The following MOBP variants were observed in gnomAD, a reference collection of about 807,000 sequenced individuals.
MOBP encodes the protein myelin-associated oligodendrocyte basic protein.
Under a neutral mutation model 15.0 loss-of-function variants are expected in MOBP, and 5 were observed. The observed-to-expected ratio is 0.33, with a 90% CI of 0.17 to 0.70. MOBP has a LOEUF of 0.70. Among genes scored for constraint, MOBP ranks in the 30% least tolerant of loss-of-function variants. The pLI is 0.67. For synonymous variants in MOBP, 88 were observed against 99.0 expected (o/e 0.89, Z 0.66); for missense variants, 188 against 257.8 (o/e 0.73, Z 1.85).
intron 3 of MOBP, among the ~76,000 whole-genome samples, chr3:39,523,057 G>T (rs983133310): frequency 9.2e-5 from 14 of 152,204 alleles, no homozygotes; most frequent in African/African-American, 3.1e-4. Flanking sequence ...GTATCTAGAA[G>T]TAGATGACAC....
At chr3:39,474,371 A>G (rs1301021942) in intron 1 of MOBP, among the ~76,000 whole-genome samples, 1 of 152,256 alleles carries the variant, frequency 6.6e-6, no homozygotes, top group Non-Finnish European at 1.5e-5. Context: ...AACAACAAAG[A>G]TACGTTCTGA....
At position 39,469,074 on chromosome 3, in the gene MOBP, G is replaced by GTGTGTGTGTATATACATATATACATA; in HGVS notation, c.-89+1349_-89+1374dup. Among the ~76,000 whole-genome samples the GTGTGTGTGTATATACATATATACATA allele has an allele frequency of 7.9e-5, 2 of 25,380 alleles. 1 individual carries two copies. The highest frequency in any genetic ancestry group is 1.9e-3 in the South Asian group (2 of 1,064). 16.7% of individuals were successfully genotyped at this position (25,380 alleles called of 152,430 possible). On this transcript the variant is annotated intron_variant, in intron 1 of 3. Transcript: ENST00000684792. ...TGTGTGTATATACATATATACATAT[G>GTGTGTGTGTATATACATATATACATA]TGTGTGTGTATATACATATATACAT...
Position 39,502,108 on chromosome 3 carries a change from C to T in MOBP, c.39C>T (p.Ser13=), listed in dbSNP as rs138223556. Residue 13 remains serine, a synonymous_variant, in exon 3 of 4, where the codon TCC becomes TCT. Transcript: ENST00000684792. This position sits in a 1 kb window ranked among gnomAD's most constrained non-coding sequence, Gnocchi z 6.3. ...CGGCCAAGGAGGGTCCCAGACTCTC[C>T]AAAAACCAGAAGTACTCCGAACACT... ...QKPAKEGPRL[S]KNQKYSEHFS... 7.2e-4 allele frequency: 1,170 copies of T among 1,614,178 alleles called. 10 individuals carry two copies. In the East Asian group the frequency reaches 0.01, roughly 14 times the overall value.
At chr3:39,492,543 A>C (rs549086402) in intron 2 of MOBP, among the ~76,000 whole-genome samples, 1 of 152,186 alleles carries the variant, frequency 6.6e-6, no homozygotes, top group Non-Finnish European at 1.5e-5. Context: ...TTGGGCTTGT[A>C]ATATCACATC....
At chr3:39,523,927 A>C (rs1274096055) in intron 3 of MOBP, among the ~76,000 whole-genome samples, 4 of 152,198 alleles carry the variant, frequency 2.6e-5, no homozygotes, top group Non-Finnish European at 5.9e-5. Context: ...CCCACAGCGC[A>C]ATTGTACAAA....
chr3:39,472,875 A>G (rs1206371082), intron 1 of MOBP, among the ~76,000 whole-genome samples: 8 of 152,206 alleles, frequency 5.3e-5, no homozygotes, highest in African/African-American at 1.7e-4. Context: ...GTATGAAGAC[A>G]TATTCGTGCC....
At chr3:39,497,066 G>T (rs1432283435) in intron 2 of MOBP, among the ~76,000 whole-genome samples, 1 of 152,096 alleles carries the variant, frequency 6.6e-6, no homozygotes, top group Non-Finnish European at 1.5e-5. Flanking sequence ...GCCTCCCAAA[G>T]AGCTGGGATT....
intron 1 of MOBP, among the ~76,000 whole-genome samples, chr3:39,478,412 T>G (rs1344850494): frequency 2.0e-5 from 3 of 152,220 alleles, no homozygotes; most frequent in Non-Finnish European, 4.4e-5. Flanking sequence ...CTATGATGTT[T>G]GTGCAATGAC....
chr3:39,500,855 A>T (rs1262613176), intron 2 of MOBP, among the ~76,000 whole-genome samples: 1 of 152,232 alleles, frequency 6.6e-6, no homozygotes, highest in Non-Finnish European at 1.5e-5. Context: ...CTTTAATAAG[A>T]TCTAAGATAC....
chr3:39,473,186 T>C (rs942570947), intron 1 of MOBP, among the ~76,000 whole-genome samples: 1 of 152,230 alleles, frequency 6.6e-6, no homozygotes, highest in African/African-American at 2.4e-5. Context: ...TCAGCTGTGC[T>C]CTGGGTGGTT....
At chr3:39,482,951 C>G (rs548034194) in intron 2 of MOBP, among the ~76,000 whole-genome samples, 2 of 152,150 alleles carry the variant, frequency 1.3e-5, no homozygotes, top group Non-Finnish European at 2.9e-5. Flanking sequence ...CATTGACTCA[C>G]TCTTCAGCTC....
At chr3:39,496,272 C>T (rs1253054434) in intron 2 of MOBP, among the ~76,000 whole-genome samples, 1 of 150,644 alleles carries the variant, frequency 6.6e-6, no homozygotes, top group African/African-American at 2.4e-5. Context: ...GATCTCGGCT[C>T]AGTGCAAGCT....
chr3:39,494,796 C>CCCCCCCCCCCCA (rs3036570), intron 2 of MOBP, among the ~76,000 whole-genome samples: 3 of 117,396 alleles, frequency 2.6e-5, no homozygotes, highest in Admixed American at 1.0e-4. Flanking sequence ...CCCCCCGCCC[C>CCCCCCCCCCCCA]CCGAGTTACG....
At chr3:39,519,936 G>T (rs572971), downstream of MOBP, among the ~76,000 whole-genome samples, 45,667 of 148,156 alleles carry the variant, frequency 0.31, 9,090 homozygotes, top group African/African-American at 0.58. Flanking sequence ...ACCTCAATGC[G>T]TACATCTCTG....
intron 2 of MOBP, among the ~76,000 whole-genome samples, chr3:39,498,717 ACT>A (rs1336228145): frequency 6.6e-6 from 1 of 152,156 alleles, no homozygotes; most frequent in Non-Finnish European, 1.5e-5. Context: ...GAAGAGAATT[ACT>A]TTTTCCTTCA....
At position 39,502,120 on chromosome 3, in the gene MOBP, G is replaced by A. The variant is rs1291480453; in HGVS notation, c.51G>A (p.Lys17=). 10 of 1,614,076 alleles carry A rather than the reference G, an allele frequency of 6.2e-6. No homozygotes were observed. Among genetic ancestry groups the A allele is most frequent in the Middle Eastern group, 1.6e-4 (1 of 6,076 alleles). The change falls in exon 3 of 4, where the codon AAG becomes AAA. Residue 17 remains lysine, a synonymous_variant. Coordinates refer to ENST00000684792, the MANE Select transcript of MOBP (RefSeq NM_001393704.1). The surrounding 1 kb of genome is among the most constrained non-coding windows in gnomAD (Gnocchi z 6.3). ...GTCCCAGACTCTCCAAAAACCAGAA[G>A]TACTCCGAACACTTCAGCATACACT... ...KEGPRLSKNQ[K]YSEHFSIHCC...
At chr3:39,470,652 G>A (rs1002451324) in intron 1 of MOBP, among the ~76,000 whole-genome samples, 1 of 151,994 alleles carries the variant, frequency 6.6e-6, no homozygotes, top group African/African-American at 2.4e-5. Context: ...TTTTATTAAT[G>A]GTATAAAATT....
At chr3:39,475,554 A>G (rs1334513815) in intron 1 of MOBP, among the ~76,000 whole-genome samples, 21 of 152,164 alleles carry the variant, frequency 1.4e-4, no homozygotes, top group Admixed American at 1.4e-3. Flanking sequence ...AATTGGAATG[A>G]TTCTTTAAGG....
rs187120763 is a variant in MOBP at position 39,495,625 on chromosome 3, C to T, written c.-4-6441C>T. 1.2e-3 allele frequency among the ~76,000 whole-genome samples: 175 copies of T among 151,236 alleles called. 2 individuals are homozygous for T. The Middle Eastern group carries it at 0.014, about 12-fold the overall frequency. Reference sequence around the variant, plus strand: ...AAAATTAGCTGGGTGTAGTAGCACGCACCTGTAGTCCCAGCTACTTGAGAG... The same window carrying T: ...AAAATTAGCTGGGTGTAGTAGCACGTACCTGTAGTCCCAGCTACTTGAGAG... On this transcript the variant is annotated intron_variant, in intron 2 of 3. Coordinates refer to ENST00000684792, the MANE Select transcript of MOBP (RefSeq NM_001393704.1).
Sources: allele counts gnomAD v4.1 joint callset (sites outside exome capture counted in the v4.1 genomes callset), GRCh38; gene constraint gnomAD v4.1.1; non-coding constraint Gnocchi (gnomAD v3.1); transcripts MANE v1.5; gene names NCBI Gene and HGNC (gene_info 2026-07-23, HGNC 2026-07-21).